Variants in GRM1 observed in about 807,000 individuals in gnomAD.
GRM1 encodes the protein glutamate metabotropic receptor 1.
Under a neutral mutation model 90.9 loss-of-function variants are expected in GRM1, and 33 were observed. The observed-to-expected ratio is 0.36, with a 90% confidence interval of 0.28 to 0.49. The LOEUF is 0.49. Among genes scored for constraint, GRM1 ranks in the 20% least tolerant of loss-of-function variants. The pLI, the probability that GRM1 is intolerant of heterozygous loss-of-function variation, is 0.99. For synonymous variants in GRM1, 700 were observed against 613.2 expected (o/e 1.14, Z -2.09); for missense variants, 1,190 against 1,534.3 (o/e 0.78, Z 3.75).
chr6:146,310,800 T>C (rs1454473969), intron 3 of GRM1, among the ~76,000 whole-genome samples: 2 of 152,174 alleles, frequency 1.3e-5, no homozygotes, highest in Non-Finnish European at 2.9e-5. Context: ...ATGTCCTAGA[T>C]CAGCCAGTCC....
chr6:146,126,370 C>T lies in GRM1; in HGVS notation c.701-32978C>T, dbSNP rs528310544. 3.3e-5 allele frequency among the ~76,000 whole-genome samples: 5 copies of T among 152,196 alleles called. No homozygotes were observed. The South Asian group carries it at 8.3e-4, about 25-fold the overall frequency. ...ATATTTACTACAACAATTGGATATA[C>T]TGCTTTTCTATATATTTTTGGTGCA... On this transcript the variant is annotated intron_variant, in intron 1 of 7. Transcript: ENST00000282753.
intron 2 of GRM1, among the ~76,000 whole-genome samples, chr6:146,205,918 C>T (rs1484099735): frequency 6.6e-6 from 1 of 152,174 alleles, no homozygotes; most frequent in Non-Finnish European, 1.5e-5. Flanking sequence ...CAGGCAGGCT[C>T]TCCCAGGGAG....
Position 146,352,636 on chromosome 6 carries a change from A to G in GRM1, c.1433+140A>G, listed in dbSNP as rs1006286461. 2.2e-5 allele frequency: 18 copies of G among 821,590 alleles called. No homozygotes were observed. In the African/African-American group the frequency reaches 2.7e-4, roughly 12 times the overall value. The allele number at this position is 821,590 out of a possible 1,614,324, so 50.9% of individuals were successfully genotyped here. A position where few individuals can be genotyped will look rare whatever the true frequency, so the allele number is the denominator to read the frequency against. On this transcript the variant is annotated intron_variant, in intron 4 of 7. Transcript: ENST00000282753. ...ACTAGGTAGCAAAAAGTCCAGGGAT[A>G]ATATCAGATGAAATTACCAAAGACC...
At chr6:146,331,765 TA>T (rs765523189) in intron 3 of GRM1, among the ~76,000 whole-genome samples, 24 of 151,818 alleles carry the variant, frequency 1.6e-4, no homozygotes, top group East Asian at 7.8e-4. Flanking sequence ...TGTTTTCCTT[TA>T]AAAAAAAATT....
intron 2 of GRM1, among the ~76,000 whole-genome samples, chr6:146,197,605 A>T (rs1435950478): frequency 2.0e-5 from 3 of 152,222 alleles, no homozygotes; most frequent in Non-Finnish European, 2.9e-5. Flanking sequence ...GTTCTGTGGG[A>T]TGTCCAGACA....
At chr6:146,137,289 A>T (rs921683342) in intron 1 of GRM1, among the ~76,000 whole-genome samples, 1 of 152,140 alleles carries the variant, frequency 6.6e-6, no homozygotes, top group Non-Finnish European at 1.5e-5. Flanking sequence ...TAGTAGCTTT[A>T]TAATTTGAGG....
intron 7 of GRM1, among the ~76,000 whole-genome samples, chr6:146,419,646 G>A (rs991818926): frequency 2.6e-5 from 4 of 152,136 alleles, no homozygotes; most frequent in African/African-American, 9.7e-5. Context: ...ACGACTGGGA[G>A]GCCTCAGGAA....
intron 2 of GRM1, among the ~76,000 whole-genome samples, chr6:146,183,408 G>C (rs990080508): frequency 1.2e-4 from 18 of 152,028 alleles, no homozygotes; most frequent in African/African-American, 4.4e-4. Flanking sequence ...ATAAATTTTG[G>C]GAGACAACTG....
chr6:146,273,142 C>T (rs1782231211), intron 2 of GRM1, among the ~76,000 whole-genome samples: 1 of 152,148 alleles, frequency 6.6e-6, no homozygotes, highest in Non-Finnish European at 1.5e-5. Flanking sequence ...TACTTTTTCA[C>T]CAAAATATAA....
intron 7 of GRM1, among the ~76,000 whole-genome samples, chr6:146,429,542 C>T (rs1778330919): frequency 6.6e-6 from 1 of 152,130 alleles, no homozygotes; most frequent in South Asian, 2.1e-4. Flanking sequence ...ACTTCTCAAG[C>T]TGCACTAGGG....
At chr6:146,141,042 A>G (rs968387882) in intron 1 of GRM1, among the ~76,000 whole-genome samples, 28 of 152,128 alleles carry the variant, frequency 1.8e-4, no homozygotes, top group African/African-American at 6.0e-4. Flanking sequence ...TCCCTTTAGC[A>G]TTTCTTGTAG....
intron 2 of GRM1, among the ~76,000 whole-genome samples, chr6:146,242,018 T>A (rs1378145094): frequency 1.3e-5 from 2 of 152,154 alleles, no homozygotes; most frequent in African/African-American, 4.8e-5. Context: ...GACCTGTTTA[T>A]TGACTTGAAT....
At chr6:146,110,173 G>A (rs1562469117) in intron 1 of GRM1, among the ~76,000 whole-genome samples, 1 of 152,136 alleles carries the variant, frequency 6.6e-6, no homozygotes, top group Non-Finnish European at 1.5e-5. Flanking sequence ...GGGGCCAGAG[G>A]CAGAACGATA....
At chr6:146,307,597 A>T (rs955745237) in intron 3 of GRM1, among the ~76,000 whole-genome samples, 28 of 152,188 alleles carry the variant, frequency 1.8e-4, no homozygotes, top group African/African-American at 5.8e-4. Flanking sequence ...TTGAATATCA[A>T]ATGAATTCCA....
chr6:146,222,643 G>A (rs113796552), intron 2 of GRM1, among the ~76,000 whole-genome samples: 31 of 152,188 alleles, frequency 2.0e-4, no homozygotes, highest in African/African-American at 6.7e-4. Context: ...GCCCACTCAC[G>A]TTGGAAAGAG....
intron 1 of GRM1, among the ~76,000 whole-genome samples, chr6:146,153,987 A>G (rs1360824573): frequency 6.6e-6 from 1 of 152,170 alleles, no homozygotes; most frequent in Non-Finnish European, 1.5e-5. Context: ...TTCTCACATC[A>G]ATAAGCTTCG....
intron 2 of GRM1, among the ~76,000 whole-genome samples, chr6:146,212,422 CAAAT>C (rs1779714271): frequency 6.6e-6 from 1 of 152,178 alleles, no homozygotes; most frequent in African/African-American, 2.4e-5. Context: ...AGTATAACCT[CAAAT>C]AAATAAGTCA....
chr6:146,319,797 T>C (rs150097773), intron 3 of GRM1, among the ~76,000 whole-genome samples: 8 of 152,330 alleles, frequency 5.3e-5, no homozygotes, highest in Non-Finnish European at 8.8e-5. Context: ...ATGCTTGTGA[T>C]TTTTGCACAT....
chr6:146,409,433 G>T (rs1562678294), intron 7 of GRM1, among the ~76,000 whole-genome samples: 1 of 152,150 alleles, frequency 6.6e-6, no homozygotes, highest in Non-Finnish European at 1.5e-5. Context: ...TTGAGGTGTA[G>T]AGTCAACTAA....
Sources: gnomAD v4.1 joint callset for allele counts (sites outside exome capture counted in the v4.1 genomes callset) on GRCh38, gnomAD v4.1.1 for gene constraint, MANE v1.5 for transcripts, NCBI Gene and HGNC (gene_info 2026-07-23, HGNC 2026-07-21) for gene names.